The following GCFC2 variants were observed in gnomAD, a reference collection of about 807,000 sequenced individuals.
GCFC2 encodes intron Large complex component GCFC2.
A neutral mutation model predicts 99.4 loss-of-function variants in GCFC2; 102 were observed. The ratio of observed to expected loss-of-function variants is 1.03; its 90% CI spans 0.87 to 1.21. The LOEUF (loss-of-function observed/expected upper bound fraction) is 1.21, where lower values mean the gene tolerates loss of function less well. Among genes scored for constraint, GCFC2 ranks in the 50% most tolerant of loss-of-function variants. The pLI, the probability that GCFC2 is intolerant of heterozygous loss-of-function variation, is 0.00. For missense variants in GCFC2, 973 were observed against 920.9 expected (o/e 1.06, Z -0.73); for synonymous variants, 338 against 316.8 (o/e 1.07, Z -0.71).
chr2:75,664,898 A>G (rs761688952), intron 16 of GCFC2, 115 bp from the exon 17 acceptor site: 32 of 645,646 alleles, frequency 5.0e-5, no homozygotes, highest in Non-Finnish European at 7.5e-5. Context: ...CCTTAAGCCA[A>G]TATCTAAAGT....
intron 12 of GCFC2, 150 bp from the exon 13 acceptor site, chr2:75,673,670 T>G (rs1361465062): frequency 1.7e-6 from 1 of 602,764 alleles, no homozygotes; most frequent in Non-Finnish European, 3.0e-6. Context: ...AAAACCTTAT[T>G]TATCCATGTT....
chr2:75,704,110 G>A (rs2104411517), intron 2 of GCFC2, among the ~76,000 whole-genome samples: 1 of 152,278 alleles, frequency 6.6e-6, no homozygotes, highest in African/African-American at 2.4e-5. Flanking sequence ...CAGATGCTGG[G>A]CAGACATAGG....
chr2:75,707,535 C>T (rs972011023), intron 1 of GCFC2, among the ~76,000 whole-genome samples: 4 of 148,390 alleles, frequency 2.7e-5, no homozygotes, highest in Non-Finnish European at 3.0e-5. Context: ...TCAAAAAAGG[C>T]TGGAGTAAAA....
In GCFC2 at chr2:75,692,107, T is replaced by C. The variant is rs376699170; in HGVS notation, c.1021-7A>G. 39 of 1,398,844 alleles carry C rather than the reference T, an allele frequency of 2.8e-5. No homozygotes were observed. The African/African-American group carries it at 5.1e-4, about 18-fold the overall frequency. The allele number at this position is 1,398,844 out of a possible 1,614,324, so 86.7% of individuals were successfully genotyped here. A position where few individuals can be genotyped will look rare whatever the true frequency, so the allele number is the denominator to read the frequency against. On this transcript the variant is annotated splice_region_variant and splice_polypyrimidine_tract_variant and intron_variant, in intron 6 of 16. Coordinates refer to ENST00000321027, the MANE Select transcript of GCFC2 (RefSeq NM_003203.5). ...TTTCTTGGATGTTGATAATCTGAAATACACATATAAGTAACATTTTGCAGG... is the reference window on the plus strand; with the variant it reads ...TTTCTTGGATGTTGATAATCTGAAACACACATATAAGTAACATTTTGCAGG...
chr2:75,711,255 G>C, upstream of GCFC2: 1 of 974,598 alleles, frequency 1.0e-6, no homozygotes, highest in Admixed American at 6.2e-5. Context: ...ACTTTCTGGA[G>C]AGAGTGCCCC....
chr2:75,667,497 TCTA>T (rs1408476107), intron 15 of GCFC2, among the ~76,000 whole-genome samples: 3 of 152,204 alleles, frequency 2.0e-5, no homozygotes, highest in African/African-American at 4.8e-5. Flanking sequence ...GAAAAAGAAT[TCTA>T]CTCCTTAATC....
intron 11 of GCFC2, among the ~76,000 whole-genome samples, chr2:75,681,323 AG>A (rs1344124742): frequency 6.7e-6 from 1 of 149,392 alleles, no homozygotes; most frequent in Admixed American, 6.6e-5. Context: ...GGGAAGCACA[AG>A]GGGTTGGGGA....
In GCFC2 at chr2:75,694,277, A is replaced by T. The variant is rs749553389; in HGVS notation, c.984T>A (p.Ile328=). The change falls in exon 6 of 17, where the codon ATT becomes ATA. Residue 328 remains isoleucine (I), a synonymous_variant. Transcript: ENST00000321027. ...GGCAGTCAATTAAATTTTCCACATA[A>T]ATTTTCATGCTTTTATAGAATTTAC... ...LNCKFYKSMK[I]YVENLIDCLN... 1 of 1,129,380 alleles carries T rather than the reference A, an allele frequency of 8.9e-7. No homozygotes were observed. Among genetic ancestry groups the T allele is most frequent in the Non-Finnish European group, 1.3e-6 (1 of 766,736 alleles). 70.0% of individuals were successfully genotyped at this position (1,129,380 alleles called of 1,614,324 possible).
Position 75,663,274 on chromosome 2 carries a change from A to T in GCFC2, c.*1392T>A, listed in dbSNP as rs1678693369. ...ACAATATATTCAATTTTTTCCAATT[A>T]TCTTTTGAACAACAATTTGCAAAAT... On this transcript the variant is annotated 3_prime_UTR_variant, in exon 17 of 17. Transcript: ENST00000321027. 6.6e-6 allele frequency: 1 copy of T among 152,186 alleles called. No homozygotes were observed. The highest frequency in any genetic ancestry group is 6.5e-5 in the Admixed American group (1 of 15,278). The allele number at this position is 152,186 out of a possible 1,614,324, so 9.4% of individuals were successfully genotyped here. A position where few individuals can be genotyped will look rare whatever the true frequency, so the allele number is the denominator to read the frequency against.
intron 11 of GCFC2, among the ~76,000 whole-genome samples, chr2:75,681,371 G>A (rs180857353): frequency 6.7e-6 from 1 of 149,372 alleles, no homozygotes; most frequent in Non-Finnish European, 1.5e-5. Context: ...ACGAGAAACC[G>A]TGCCAGGAGG....
Position 75,680,179 on chromosome 2 carries a change from C to CTAGAAATTAT in GCFC2, c.1812+4_1812+13dup. The CTAGAAATTAT allele has an allele frequency of 6.3e-7, 1 of 1,588,572 alleles. No homozygotes were observed. Among genetic ancestry groups the CTAGAAATTAT allele is most frequent in the Non-Finnish European group, 8.6e-7 (1 of 1,158,574 alleles). On this transcript the variant is annotated intron_variant, in intron 12 of 16. Transcript: ENST00000321027. ...GAGATAGATCATGGAGTTCGCAACT[C>CTAGAAATTAT]TAGAAATTATTACCTGTCTGCTTTT...
chr2:75,674,881 T>C (rs1679273015), intron 12 of GCFC2, among the ~76,000 whole-genome samples: 1 of 152,036 alleles, frequency 6.6e-6, no homozygotes, highest in Non-Finnish European at 1.5e-5. Context: ...AAATTAAAAC[T>C]CAGTTGTATT....
rs547698837 is a variant in GCFC2, at chr2:75,693,439, C to A, written c.1020+802G>T. Among the ~76,000 whole-genome samples the A allele has an allele frequency of 8.6e-5, 13 of 151,866 alleles. No homozygotes were observed. The South Asian group carries it at 2.5e-3, about 29-fold the overall frequency. ...TGGGTGACAGAGCGAGACTCTGTCC[C>A]CCTCACTAGAAAAATAAATAAAATA... On this transcript the variant is annotated intron_variant, in intron 6 of 16. Coordinates refer to ENST00000321027, the MANE Select transcript of GCFC2 (RefSeq NM_003203.5).
upstream of GCFC2, among the ~76,000 whole-genome samples, chr2:75,712,579 T>TC (rs1402860959): frequency 6.6e-6 from 1 of 152,160 alleles, no homozygotes; most frequent in Non-Finnish European, 1.5e-5. Flanking sequence ...CCCGCTCCGG[T>TC]CCCCTTCCAC....
intron 14 of GCFC2, among the ~76,000 whole-genome samples, chr2:75,671,465 G>C (rs1296708235): frequency 2.0e-5 from 3 of 152,044 alleles, no homozygotes; most frequent in South Asian, 4.2e-4. Flanking sequence ...ATCTTCCCTT[G>C]ATCAGTTATC....
rs118181492 is a variant in GCFC2 at position 75,692,900 on chromosome 2, T to C, written c.1021-800A>G. ...GATACAGAAATGAGACTTGTTGAAA[T>C]TGAAACTCTCATATTTTGGGGAGCA... On this transcript the variant is annotated intron_variant, in intron 6 of 16. Transcript: ENST00000321027. 1.9e-3 allele frequency among the ~76,000 whole-genome samples: 294 copies of C among 152,210 alleles called. 5 individuals are homozygous for C. In the East Asian group the frequency reaches 0.048, roughly 25 times the overall value.
intron 15 of GCFC2, among the ~76,000 whole-genome samples, chr2:75,666,727 A>AAC (rs1553431820): frequency 6.6e-6 from 1 of 151,236 alleles, no homozygotes; most frequent in Non-Finnish European, 1.5e-5. Context: ...AAAAAAAAAA[A>AAC]CTTCCTCATA....
upstream of GCFC2, among the ~76,000 whole-genome samples, chr2:75,712,595 G>A (rs1681232924): frequency 1.3e-5 from 2 of 152,266 alleles, no homozygotes; most frequent in African/African-American, 2.4e-5. Flanking sequence ...TCCACAGTGT[G>A]GAAGCTTTGT....
intron 5 of GCFC2, 55 bp from the exon 6 acceptor site, chr2:75,694,482 A>G (rs1680220213): frequency 4.6e-6 from 3 of 651,008 alleles, no homozygotes. Flanking sequence ...AAAAGTAGCA[A>G]TCTAATGTAA....
Sources: allele counts gnomAD v4.1 joint callset (sites outside exome capture counted in the v4.1 genomes callset), GRCh38; gene constraint gnomAD v4.1.1; transcripts MANE v1.5; gene names NCBI Gene and HGNC (gene_info 2026-07-23, HGNC 2026-07-21).